ANKS1B: variants seen among roughly 807,000 people sequenced by gnomAD.
ANKS1B encodes ankyrin repeat and sterile alpha motif domain-containing protein 1B.
Under a neutral mutation model 148.3 loss-of-function variants are expected in ANKS1B, and 36 were observed. The observed-to-expected ratio is 0.24, with a 90% CI of 0.19 to 0.32. ANKS1B has a LOEUF of 0.32. Among genes scored for constraint, ANKS1B ranks in the 10% least tolerant of loss-of-function variants. The probability of loss-of-function intolerance (pLI) is 1.00; values close to 1 mark genes in which losing one functional copy is unlikely to be tolerated. For synonymous variants in ANKS1B, 542 were observed against 560.8 expected (o/e 0.97, Z 0.47); for missense variants, 1,157 against 1,542.6 (o/e 0.75, Z 4.19).
In ANKS1B at chr12:99,527,710, T is replaced by C. The variant is rs975466352; in HGVS notation, c.1273-23069A>G. Among the ~76,000 whole-genome samples the C allele has an allele frequency of 4.3e-4, 66 of 152,184 alleles. 1 individual carries two copies. Among genetic ancestry groups the C allele is most frequent in the Admixed American group, 3.7e-3 (56 of 15,264 alleles). On this transcript the variant is annotated intron_variant, in intron 9 of 26. Transcript: ENST00000683438. ...TAACAAAGTTGCCTTGGCAAAGTCT[T>C]ACAGTTTCCTCATCTGCAAAATTAG...
intron 14 of ANKS1B, among the ~76,000 whole-genome samples, chr12:99,236,251 G>T (rs1601925051): frequency 6.6e-6 from 1 of 152,270 alleles, no homozygotes; most frequent in East Asian, 1.9e-4. Context: ...CTGCAAACAG[G>T]GATAGTTTGA....
downstream of ANKS1B, among the ~76,000 whole-genome samples, chr12:98,743,079 A>C (rs1479320934): frequency 6.6e-6 from 1 of 152,206 alleles, no homozygotes; most frequent in Non-Finnish European, 1.5e-5. Context: ...AGGCTAGATC[A>C]CTTATCAAAT....
intron 10 of ANKS1B, among the ~76,000 whole-genome samples, chr12:99,471,155 CT>C: frequency 6.6e-6 from 1 of 152,004 alleles, no homozygotes; most frequent in Admixed American, 6.6e-5. Context: ...CTCTTTTTTT[CT>C]TAATACTCAC....
chr12:99,203,087 A>T (rs1196957403), intron 14 of ANKS1B, among the ~76,000 whole-genome samples: 1 of 152,250 alleles, frequency 6.6e-6, no homozygotes, highest in Non-Finnish European at 1.5e-5. Flanking sequence ...CCACACAGGA[A>T]TGTGAATACT....
At chr12:99,044,881 G>C (rs2099961311) in intron 17 of ANKS1B, among the ~76,000 whole-genome samples, 1 of 152,144 alleles carries the variant, frequency 6.6e-6, no homozygotes, top group Non-Finnish European at 1.5e-5. Flanking sequence ...GTCCCAGAGG[G>C]GGTAAGTGAC....
chr12:99,121,094 CTTTTTT>C (rs1047797939), intron 15 of ANKS1B, among the ~76,000 whole-genome samples: 7 of 142,802 alleles, frequency 4.9e-5, no homozygotes, highest in Non-Finnish European at 7.7e-5. Flanking sequence ...AAAATTTAGA[CTTTTTT>C]TTTTTTTGGT....
intron 11 of ANKS1B, among the ~76,000 whole-genome samples, chr12:99,422,714 T>C (rs1379012552): frequency 2.0e-5 from 3 of 152,108 alleles, no homozygotes; most frequent in Non-Finnish European, 4.4e-5. Context: ...TTCCAGAAGT[T>C]TGTGAAATCG....
In ANKS1B at chr12:98,745,795, G is replaced by A; in HGVS notation, c.3802C>T (p.Pro1268Ser). The A allele has an allele frequency of 6.2e-7, 1 of 1,613,730 alleles. No individual in the cohort carries two copies. The highest frequency in any genetic ancestry group is 1.1e-5 in the South Asian group (1 of 91,022). Residue 1268 changes from proline (P) to serine (S), a missense_variant, in exon 27 of 27, where the codon CCG becomes TCG. Pro to Ser is a moderately conservative substitution (Grantham distance 74). Coordinates refer to ENST00000683438, the MANE Select transcript of ANKS1B (RefSeq NM_001352186.2). Reference sequence around the variant, plus strand: ...ATGCCCCTCTTGGCTTCTTGGCCCGGCTCCACAATCCACGGTAGATTGGCC... The same window carrying A: ...ATGCCCCTCTTGGCTTCTTGGCCCGACTCCACAATCCACGGTAGATTGGCC... ...TLANLPWIVEPGQEAKRGINT... is the reference protein window; with the variant it reads ...TLANLPWIVESGQEAKRGINT...
chr12:99,444,056 T>C lies in ANKS1B; in HGVS notation c.1439-247A>G, dbSNP rs142226780. Among the ~76,000 whole-genome samples the C allele has an allele frequency of 2.0e-3, 298 of 152,094 alleles. 1 individual carries two copies. Among genetic ancestry groups the C allele is most frequent in the African/African-American group, 6.9e-3 (286 of 41,526 alleles). ...CTGAGACAAGTGTATTATTATTCAA[T>C]TCATAATGATAGATTATCCAGCATA... On this transcript the variant is annotated intron_variant, in intron 10 of 26. Transcript: ENST00000683438.
intron 12 of ANKS1B, among the ~76,000 whole-genome samples, chr12:99,268,211 T>C (rs2076652111): frequency 6.6e-6 from 1 of 152,216 alleles, no homozygotes; most frequent in African/African-American, 2.4e-5. Context: ...ATGTATATTT[T>C]AAGGCAACTG....
intron 14 of ANKS1B, among the ~76,000 whole-genome samples, chr12:99,211,024 T>C (rs1247232559): frequency 1.3e-5 from 2 of 152,254 alleles, no homozygotes; most frequent in East Asian, 1.9e-4. Flanking sequence ...AAACCACAAT[T>C]ATTTTGCACC....
At chr12:98,878,701 C>A (rs993235047) in intron 17 of ANKS1B, among the ~76,000 whole-genome samples, 7 of 152,154 alleles carry the variant, frequency 4.6e-5, no homozygotes, top group African/African-American at 1.7e-4. Context: ...TTAATGCGAT[C>A]ACTTTGGGGA....
chr12:99,038,412 T>C (rs1228164830), intron 17 of ANKS1B, among the ~76,000 whole-genome samples: 1 of 152,158 alleles, frequency 6.6e-6, no homozygotes, highest in Non-Finnish European at 1.5e-5. Flanking sequence ...ATTCTCACCT[T>C]CTTCACCACA....
At chr12:99,470,373 C>T (rs2152900555) in intron 10 of ANKS1B, among the ~76,000 whole-genome samples, 1 of 152,182 alleles carries the variant, frequency 6.6e-6, no homozygotes, top group East Asian at 1.9e-4. Context: ...GAGTGACTAT[C>T]TTTAATGCTT....
chr12:98,864,664 CA>C (rs1224722355), intron 17 of ANKS1B, among the ~76,000 whole-genome samples: 1 of 152,188 alleles, frequency 6.6e-6, no homozygotes, highest in Non-Finnish European at 1.5e-5. Flanking sequence ...CTGCATGGGC[CA>C]ATTCCTTAAA....
intron 13 of ANKS1B, 109 bp downstream of exon 13, chr12:99,246,166 C>CT (rs35408837): frequency 7.3e-3 from 5,134 of 702,038 alleles, no homozygotes; most frequent in South Asian, 0.011. Flanking sequence ...GAGCCGTATG[C>CT]TTTTTTTTTT....
At chr12:98,792,834 T>C (rs563130813) in intron 22 of ANKS1B, among the ~76,000 whole-genome samples, 2 of 152,340 alleles carry the variant, frequency 1.3e-5, no homozygotes, top group African/African-American at 4.8e-5. Flanking sequence ...TATACCACAT[T>C]TTCTTTACGC....
chr12:99,327,967 T>C (rs926211259), intron 12 of ANKS1B, among the ~76,000 whole-genome samples: 2 of 151,958 alleles, frequency 1.3e-5, no homozygotes, highest in African/African-American at 2.4e-5. Context: ...CTCCTCCTGA[T>C]ACTCTACTAC....
chr12:99,563,050 T>G (rs2097353203), intron 9 of ANKS1B, among the ~76,000 whole-genome samples: 2 of 152,216 alleles, frequency 1.3e-5, no homozygotes, highest in South Asian at 4.1e-4. Flanking sequence ...TTCTCAGCCT[T>G]CATAAAATTG....
Sources: gnomAD v4.1 joint callset for allele counts (sites outside exome capture counted in the v4.1 genomes callset) on GRCh38, gnomAD v4.1.1 for gene constraint, MANE v1.5 for transcripts, NCBI Gene and HGNC (gene_info 2026-07-23, HGNC 2026-07-21) for gene names.